Variants in GXYLT1 observed in about 807,000 individuals in gnomAD.
GXYLT1 encodes the protein glucoside xylosyltransferase 1, also known as glycosyltransferase 8 domain containing 3.
GXYLT1 carries 29 observed loss-of-function variants against 54.0 expected under a neutral mutation model. The ratio of observed to expected loss-of-function variants is 0.54; its 90% CI spans 0.40 to 0.73. GXYLT1 has a LOEUF of 0.73. GXYLT1 is among the 30% of genes least tolerant of loss of function. The pLI, the probability that GXYLT1 is intolerant of heterozygous loss-of-function variation, is 0.00. For missense variants in GXYLT1, 490 were observed against 553.4 expected (o/e 0.89, Z 1.15); for synonymous variants, 176 against 204.1 (o/e 0.86, Z 1.17).
intron 4 of GXYLT1, among the ~76,000 whole-genome samples, chr12:42,107,392 A>C (rs1232549430): frequency 6.6e-6 from 1 of 152,184 alleles, no homozygotes; most frequent in Non-Finnish European, 1.5e-5. Flanking sequence ...AAAGACCTCA[A>C]CTAAAAGGGA....
In GXYLT1 at chr12:42,144,447, G is replaced by A. The variant is rs1384269307; in HGVS notation, c.200C>T (p.Ala67Val). The change falls in exon 1 of 8, where the codon GCG becomes GTG. Residue 67 changes from alanine (A) to valine (V), a missense_variant. Physicochemically the swap from Ala to Val is moderately conservative, Grantham distance 64 (BLOSUM62 0). This residue lies in a region of GXYLT1 where 148 missense variants were observed against 210.7 expected (regional missense o/e 0.70). Coordinates refer to ENST00000398675, the MANE Select transcript of GXYLT1 (RefSeq NM_173601.2). ...GTACCTGTCCGACACGCCGGGATGCGCTGCGGGGCCCGCGACGCCGGCGCC... is the reference window on the plus strand; with the variant it reads ...GTACCTGTCCGACACGCCGGGATGCACTGCGGGGCCCGCGACGCCGGCGCC... ...VRGAGVAGPA[A>V]HPGVSDRCKD... 2 of 1,319,120 alleles carry A rather than the reference G, an allele frequency of 1.5e-6. No individual in the cohort carries two copies. The highest frequency in any genetic ancestry group is 2.0e-5 in the South Asian group (1 of 48,808). 81.7% of individuals were successfully genotyped at this position (1,319,120 alleles called of 1,614,324 possible).
Position 42,087,665 on chromosome 12 carries a change from G to GAAA in GXYLT1, c.*118_*120dup. 1.5e-6 allele frequency: 1 copy of GAAA among 653,296 alleles called. No individual in the cohort carries two copies. The highest frequency in any genetic ancestry group is 2.4e-6 in the Non-Finnish European group (1 of 414,082). 40.5% of individuals were successfully genotyped at this position (653,296 alleles called of 1,614,324 possible). On this transcript the variant is annotated 3_prime_UTR_variant, in exon 8 of 8. Coordinates refer to ENST00000398675, the MANE Select transcript of GXYLT1 (RefSeq NM_173601.2). ...AATACTGCTTACTTAACTTCTTTAGGAAAAAAAAAATTATTCTGGAGATGA... is the reference window on the plus strand; with the variant it reads ...AATACTGCTTACTTAACTTCTTTAGGAAAAAAAAAAAAATTATTCTGGAGATGA...
At chr12:42,095,976 A>G (rs1441812948) in intron 7 of GXYLT1, among the ~76,000 whole-genome samples, 1 of 152,172 alleles carries the variant, frequency 6.6e-6, no homozygotes, top group Non-Finnish European at 1.5e-5. Context: ...GGTGGAGACA[A>G]TGGTATGAAA....
chr12:42,093,148 A>G (rs1218326179), intron 7 of GXYLT1, among the ~76,000 whole-genome samples: 1 of 152,214 alleles, frequency 6.6e-6, no homozygotes, highest in East Asian at 1.9e-4. Flanking sequence ...CCCAGGCTGT[A>G]GTGCAATGGA....
At chr12:42,106,932 A>C (rs2065425081) in intron 4 of GXYLT1, among the ~76,000 whole-genome samples, 1 of 151,712 alleles carries the variant, frequency 6.6e-6, no homozygotes, top group Non-Finnish European at 1.5e-5. Flanking sequence ...TTTTTAGTAG[A>C]GATGGGGTTT....
intron 7 of GXYLT1, among the ~76,000 whole-genome samples, chr12:42,094,734 A>T (rs555521401): frequency 6.6e-6 from 1 of 152,310 alleles, no homozygotes; most frequent in African/African-American, 2.4e-5. Context: ...ACCATAAATA[A>T]GTCAAATTGG....
intron 4 of GXYLT1, among the ~76,000 whole-genome samples, chr12:42,106,995 T>A (rs2065425393): frequency 1.3e-5 from 2 of 151,894 alleles, no homozygotes; most frequent in African/African-American, 4.8e-5. Flanking sequence ...GATTCACCCA[T>A]CTCGGCCTCC....
chr12:42,102,679 C>T (rs1305049658), intron 5 of GXYLT1, among the ~76,000 whole-genome samples: 2 of 152,030 alleles, frequency 1.3e-5, no homozygotes, highest in Non-Finnish European at 2.9e-5. Flanking sequence ...CTAATTTATA[C>T]TCTTTGGTTT....
chr12:42,094,067 A>AAAGG (rs963958329), intron 7 of GXYLT1, among the ~76,000 whole-genome samples: 3 of 150,672 alleles, frequency 2.0e-5, no homozygotes, highest in African/African-American at 7.3e-5. Context: ...AAAAAAAAAA[A>AAAGG]GGGGGGTGTT....
At chr12:42,105,729 A>AT in intron 5 of GXYLT1, 89 bp downstream of exon 5, 2 of 878,744 alleles carry the variant, frequency 2.3e-6, no homozygotes. Flanking sequence ...TTATAGTTCA[A>AT]TTTAGTTTTT....
intron 2 of GXYLT1, 107 bp from the exon 3 acceptor site, chr12:42,119,278 T>C (rs974461675): frequency 4.6e-6 from 4 of 864,648 alleles, no homozygotes; most frequent in African/African-American, 1.7e-5. Context: ...TTGTGACTCA[T>C]GCCTGCAGTC....
chr12:42,144,148 G>A (rs894674981), intron 1 of GXYLT1, among the ~76,000 whole-genome samples: 18 of 152,182 alleles, frequency 1.2e-4, no homozygotes, highest in Non-Finnish European at 2.6e-4. Context: ...TATTTTCAAA[G>A]AACCCTCTTT....
In GXYLT1 at chr12:42,097,912, G is replaced by A. The variant is rs777567067; in HGVS notation, c.986C>T (p.Pro329Leu). 2 of 1,578,376 alleles carry A rather than the reference G, an allele frequency of 1.3e-6. No individual in the cohort carries two copies. The highest frequency in any genetic ancestry group is 3.6e-5 in the Admixed American group (2 of 54,882). ...DLLNIVFFHN[P>L]ESLFVFPCQW... ...ATAAAAGGAATTTAAATAATTACCT[G>A]GATTATGAAAAAACACGATATTCAA... The change falls in exon 6 of 8, where the codon CCA (proline) becomes CTA (leucine). Residue 329 changes from proline to leucine, a missense_variant and splice_region_variant. By Grantham distance (98) the Pro-to-Leu change is moderately conservative. Around this residue, in one of 2 missense-constraint regions of GXYLT1, gnomAD observed 342 missense variants for 342.6 expected, o/e 1.00. Coordinates refer to ENST00000398675, the MANE Select transcript of GXYLT1 (RefSeq NM_173601.2).
rs1263040508 is a variant in GXYLT1 at position 42,105,869 on chromosome 12, G to C, written c.813C>G (p.Asn271Lys). ...TCATGTTCATCAACATAACTCCAGAGTTTACTCCAGTTTTTCCATAATATG... is the reference window on the plus strand; with the variant it reads ...TCATGTTCATCAACATAACTCCAGACTTTACTCCAGTTTTTCCATAATATG... The part of the protein sequence containing the change: ...RHPYYGKTGV[N>K]SGVMLMNMTR... The change falls in exon 5 of 8, where the codon AAC (asparagine) becomes AAG (lysine). Residue 271 changes from asparagine (N) to lysine (K), a missense_variant. By Grantham distance (94) the Asn-to-Lys change is moderately conservative. Transcript: ENST00000398675. 6.2e-7 allele frequency: 1 copy of C among 1,613,352 alleles called. No individual in the cohort carries two copies. Among genetic ancestry groups the C allele is most frequent in the East Asian group, 2.2e-5 (1 of 44,842 alleles).
intron 7 of GXYLT1, among the ~76,000 whole-genome samples, chr12:42,095,143 T>C (rs541848798): frequency 1.3e-5 from 2 of 152,240 alleles, no homozygotes; most frequent in African/African-American, 4.8e-5. Flanking sequence ...AAAAGCTTGA[T>C]ACTATACTCT....
chr12:42,140,031 A>G (rs1051730008), intron 1 of GXYLT1, among the ~76,000 whole-genome samples: 1 of 151,914 alleles, frequency 6.6e-6, no homozygotes, highest in Non-Finnish European at 1.5e-5. Flanking sequence ...AATACAAAAA[A>G]TTAGCTGGGC....
intron 7 of GXYLT1, among the ~76,000 whole-genome samples, chr12:42,091,869 C>A (rs943393383): frequency 6.6e-6 from 1 of 152,186 alleles, no homozygotes; most frequent in Non-Finnish European, 1.5e-5. Context: ...TTCATTTCGG[C>A]CCCTGCTGAC....
intron 1 of GXYLT1, among the ~76,000 whole-genome samples, chr12:42,143,952 G>C (rs1036136235): frequency 6.6e-6 from 1 of 152,074 alleles, no homozygotes; most frequent in African/African-American, 2.4e-5. Flanking sequence ...AAGTGTAAGC[G>C]TTAACACAGG....
At chr12:42,096,516 G>A (rs143860640) in intron 7 of GXYLT1, among the ~76,000 whole-genome samples, 1 of 152,122 alleles carries the variant, frequency 6.6e-6, no homozygotes, top group African/African-American at 2.4e-5. Flanking sequence ...AGTATCAAAG[G>A]GTTCATACTG....
Sources: gnomAD v4.1 joint callset for allele counts (sites outside exome capture counted in the v4.1 genomes callset) on GRCh38, gnomAD v4.1.1 for gene constraint, gnomAD v4.1.1 regional missense constraint, MANE v1.5 for transcripts, NCBI Gene and HGNC (gene_info 2026-07-23, HGNC 2026-07-21) for gene names.